The following DLGAP1 variants were observed in gnomAD, a reference collection of about 807,000 sequenced individuals.
The protein encoded by DLGAP1 is DLG associated protein 1, also known as disks large-associated protein 1.
Under a neutral mutation model 90.8 loss-of-function variants are expected in DLGAP1, and 11 were observed. The ratio of observed to expected loss-of-function variants is 0.12; its 90% CI spans 0.08 to 0.20. The LOEUF (loss-of-function observed/expected upper bound fraction) is 0.20. DLGAP1 is among the 10% of genes least tolerant of loss of function. DLGAP1 has a pLI of 1.00. For synonymous variants in DLGAP1, 558 were observed against 540.7 expected, an observed-to-expected ratio of 1.03 and a Z score of -0.44; for missense variants, 1,050 against 1,333.8, an observed-to-expected ratio of 0.79 and a Z score of 3.31.
intron 1 of DLGAP1, among the ~76,000 whole-genome samples, chr18:4,374,954 A>G (rs1372567821): frequency 6.6e-6 from 1 of 152,142 alleles, no homozygotes; most frequent in Non-Finnish European, 1.5e-5. Context: ...TAATAGAAAA[A>G]CTGACAAGAA....
At chr18:4,168,199 T>G (rs1224359453) in intron 1 of DLGAP1, among the ~76,000 whole-genome samples, 2 of 152,178 alleles carry the variant, frequency 1.3e-5, no homozygotes, top group Non-Finnish European at 2.9e-5. Flanking sequence ...GATAAGTAGC[T>G]GTAGTAATCA....
intron 2 of DLGAP1, among the ~76,000 whole-genome samples, chr18:4,024,578 C>T (rs144694942): frequency 1.5e-3 from 232 of 152,292 alleles, no homozygotes; most frequent in Non-Finnish European, 2.4e-3. Flanking sequence ...GGCATTAAAG[C>T]AACTCACGTG....
intron 3 of DLGAP1, among the ~76,000 whole-genome samples, chr18:3,964,672 T>G (rs1205905368): frequency 6.6e-6 from 1 of 152,154 alleles, no homozygotes; most frequent in East Asian, 1.9e-4. Flanking sequence ...CTTGATAAAC[T>G]TCTATACACG....
chr18:3,855,922 T>A (rs2069616248), intron 4 of DLGAP1, among the ~76,000 whole-genome samples: 1 of 152,278 alleles, frequency 6.6e-6, no homozygotes, highest in South Asian at 2.1e-4. Context: ...AAAAATTTAT[T>A]CTTATTTTAT....
At chr18:3,892,829 T>C (rs1014659498) in intron 3 of DLGAP1, among the ~76,000 whole-genome samples, 1 of 150,834 alleles carries the variant, frequency 6.6e-6, no homozygotes, top group Non-Finnish European at 1.5e-5. Flanking sequence ...GCAATTCCTG[T>C]TCCATATTTT....
At chr18:4,001,208 T>C (rs2149073735) in intron 3 of DLGAP1, among the ~76,000 whole-genome samples, 1 of 152,198 alleles carries the variant, frequency 6.6e-6, no homozygotes, top group African/African-American at 2.4e-5. Context: ...TTGGAATAAG[T>C]TTTTTCTTCA....
chr18:4,207,270 G>A (rs1041806406), intron 1 of DLGAP1, among the ~76,000 whole-genome samples: 2 of 152,114 alleles, frequency 1.3e-5, no homozygotes, highest in Admixed American at 6.5e-5. Context: ...TGGTGGCAGG[G>A]AGAAGAAGAA....
Position 3,512,858 on chromosome 18 carries a change from T to C in DLGAP1, c.2480-4197A>G, listed in dbSNP as rs538377218. 2.0e-5 allele frequency among the ~76,000 whole-genome samples: 3 copies of C among 152,346 alleles called. No individual in the cohort carries two copies. In the East Asian group the frequency reaches 5.8e-4, roughly 29 times the overall value. On this transcript the variant is annotated intron_variant, in intron 10 of 12. Transcript: ENST00000315677. The stretch of plus-strand genomic sequence containing the variant: ...CTATCCGAGTGTGATTTCCTTCTTT[T>C]TTTTCTTTACTGTGGTAAGAACACT...
chr18:4,168,144 A>G (rs1568430970), intron 1 of DLGAP1, among the ~76,000 whole-genome samples: 1 of 152,356 alleles, frequency 6.6e-6, no homozygotes, highest in East Asian at 1.9e-4. Context: ...AATCTTGACA[A>G]TGAAGTATAG....
chr18:4,117,141 G>A (rs1354802834), intron 2 of DLGAP1, among the ~76,000 whole-genome samples: 4 of 152,168 alleles, frequency 2.6e-5, no homozygotes, highest in Non-Finnish European at 4.4e-5. Context: ...TGAAGACCAC[G>A]TGGAGGGAGG....
At chr18:4,183,784 A>G (rs576135887) in intron 1 of DLGAP1, among the ~76,000 whole-genome samples, 1 of 152,258 alleles carries the variant, frequency 6.6e-6, no homozygotes, top group Admixed American at 6.5e-5. Flanking sequence ...CATTAGTCAT[A>G]CCTATAAATT....
chr18:3,689,479 G>A (rs1414231797), intron 7 of DLGAP1, among the ~76,000 whole-genome samples: 3 of 152,066 alleles, frequency 2.0e-5, no homozygotes, highest in Admixed American at 6.5e-5. Flanking sequence ...TCAGACAAAC[G>A]GTATCATTGT....
At chr18:3,559,437 T>G (rs1481838737) in intron 9 of DLGAP1, among the ~76,000 whole-genome samples, 2 of 152,330 alleles carry the variant, frequency 1.3e-5, no homozygotes, top group Middle Eastern at 3.4e-3. Flanking sequence ...TTTTTTCACC[T>G]TTGTTCTTTC....
intron 9 of DLGAP1, among the ~76,000 whole-genome samples, chr18:3,547,204 G>A (rs1237957300): frequency 2.0e-5 from 3 of 150,720 alleles, no homozygotes; most frequent in African/African-American, 7.3e-5. Flanking sequence ...GGGAGGCTGA[G>A]GCAGGAGAAT....
chr18:3,558,425 G>T (rs1056729677), intron 9 of DLGAP1, among the ~76,000 whole-genome samples: 4 of 152,064 alleles, frequency 2.6e-5, no homozygotes, highest in Non-Finnish European at 1.5e-5. Flanking sequence ...TAGAGATGGG[G>T]TTTCACCATG....
chr18:4,360,822 C>T (rs554836371), intron 1 of DLGAP1, among the ~76,000 whole-genome samples: 6 of 152,074 alleles, frequency 3.9e-5, no homozygotes, highest in East Asian at 1.9e-4. Flanking sequence ...CTACTAAAAA[C>T]ACAAAAAATT....
At chr18:3,778,292 T>C (rs2065026130) in intron 5 of DLGAP1, among the ~76,000 whole-genome samples, 1 of 151,862 alleles carries the variant, frequency 6.6e-6, no homozygotes, top group African/African-American at 2.4e-5. Flanking sequence ...AATACAAAAG[T>C]TGGCTGGGCG....
At chr18:4,453,476 G>A (rs1221921669) in intron 1 of DLGAP1, among the ~76,000 whole-genome samples, 3 of 152,160 alleles carry the variant, frequency 2.0e-5, no homozygotes, top group Non-Finnish European at 2.9e-5. Flanking sequence ...TATGCAAAAT[G>A]ACCTAGGCCA....
rs10532577 is a variant in DLGAP1 at position 3,772,332 on chromosome 18, TTCTCTCTC to T, written c.1173-29828_1173-29821del. On this transcript the variant is annotated intron_variant, in intron 5 of 12. Coordinates refer to ENST00000315677, the MANE Select transcript of DLGAP1 (RefSeq NM_004746.4). ...CTCCTTCCTTCCTTCCTTTCTCTCC[TTCTCTCTC>T]TCTCTCTCTTTCTTTCTTTCTTTCT... 1.2e-4 allele frequency among the ~76,000 whole-genome samples: 11 copies of T among 94,038 alleles called. 1 individual carries two copies. Among genetic ancestry groups the T allele is most frequent in the East Asian group, 6.1e-4 (2 of 3,274 alleles). The allele number at this position is 94,038 out of a possible 152,430, so 61.7% of individuals were successfully genotyped here.
Sources: allele counts gnomAD v4.1 joint callset (sites outside exome capture counted in the v4.1 genomes callset), GRCh38; gene constraint gnomAD v4.1.1; transcripts MANE v1.5; gene names NCBI Gene and HGNC (gene_info 2026-07-23, HGNC 2026-07-21).